SNX1: variants seen among roughly 807,000 people sequenced by gnomAD.
The protein encoded by SNX1 is sorting nexin-1.
SNX1 carries 36 observed loss-of-function variants against 71.8 expected under a neutral mutation model. The observed-to-expected ratio is 0.50, with a 90% CI of 0.38 to 0.66. The LOEUF (loss-of-function observed/expected upper bound fraction) is 0.66, where lower values mean the gene tolerates loss of function less well. SNX1 is among the 30% of genes least tolerant of loss of function. The probability of loss-of-function intolerance (pLI) is 0.00; values close to 1 mark genes in which losing one functional copy is unlikely to be tolerated. For missense variants in SNX1, 612 were observed against 646.7 expected (o/e 0.95, Z 0.58); for synonymous variants, 254 against 240.7 (o/e 1.06, Z -0.51).
rs1042357424 is a variant in SNX1 at position 64,143,035 on chromosome 15, C to T, written c.*5417C>T. On this transcript the variant is annotated 3_prime_UTR_variant, in exon 15 of 15. Transcript: ENST00000559844. Reference sequence around the variant, plus strand: ...TTTTGCCGAGCACACTCAGGGCCCACGGGAAGCCCATAGACTTCAAGGACA... The same window carrying T: ...TTTTGCCGAGCACACTCAGGGCCCATGGGAAGCCCATAGACTTCAAGGACA... The T allele has an allele frequency of 4.7e-5, 9 of 192,534 alleles. No homozygotes were observed. The highest frequency in any genetic ancestry group is 4.6e-4 in the East Asian group (3 of 6,582). The allele number at this position is 192,534 out of a possible 1,614,324, so 11.9% of individuals were successfully genotyped here.
intron 2 of SNX1, among the ~76,000 whole-genome samples, chr15:64,113,364 T>C (rs2081096859): frequency 6.6e-6 from 1 of 152,158 alleles, no homozygotes; most frequent in Admixed American, 6.5e-5. Flanking sequence ...TGGAAATGGT[T>C]GGAGACATTT....
chr15:64,110,322 AG>A (rs1409677464), intron 1 of SNX1, among the ~76,000 whole-genome samples: 6 of 152,308 alleles, frequency 3.9e-5, no homozygotes, highest in African/African-American at 1.2e-4. Context: ...AGGATATCTG[AG>A]AGCAGTTTTC....
chr15:64,102,425 A>G (rs574640445), intron 1 of SNX1, among the ~76,000 whole-genome samples: 1 of 152,336 alleles, frequency 6.6e-6, no homozygotes, highest in African/African-American at 2.4e-5. Flanking sequence ...CTTTTGGAAC[A>G]TACGATAAAT....
chr15:64,118,750 TC>T, intron 3 of SNX1, 37 bp from the exon 4 acceptor site: 1 of 1,512,574 alleles, frequency 6.6e-7, no homozygotes, highest in South Asian at 1.1e-5. Context: ...GCTTTTTTTT[TC>T]ATATCAACTC....
intron 1 of SNX1, among the ~76,000 whole-genome samples, chr15:64,104,663 T>A (rs2081000496): frequency 6.6e-6 from 1 of 151,572 alleles, no homozygotes; most frequent in Admixed American, 6.6e-5. Flanking sequence ...GGCAGGTAGA[T>A]CACCTGAGGT....
At chr15:64,130,351 A>G in intron 10 of SNX1, 30 bp downstream of exon 10, 4 of 1,566,004 alleles carry the variant, frequency 2.6e-6, no homozygotes, top group Non-Finnish European at 3.5e-6. Flanking sequence ...ACTTGGAGCT[A>G]GGGGAAATTG....
intron 1 of SNX1, among the ~76,000 whole-genome samples, chr15:64,103,173 A>G (rs2080982601): frequency 6.6e-6 from 1 of 152,204 alleles, no homozygotes. Context: ...CATGCAGAAG[A>G]AATATATATG....
chr15:64,135,388 C>G (rs72755098), intron 12 of SNX1, among the ~76,000 whole-genome samples: 81,132 of 149,520 alleles, frequency 0.54, 26,822 homozygotes, highest in East Asian at 0.81. Flanking sequence ...GCGTGAGCCA[C>G]CGCGCCCGGC....
At chr15:64,119,754 A>AC (rs1491138534) in intron 4 of SNX1, among the ~76,000 whole-genome samples, 21 of 151,340 alleles carry the variant, frequency 1.4e-4, no homozygotes, top group African/African-American at 3.2e-4. Flanking sequence ...ACACACACAC[A>AC]AAAAACATTA....
rs780446322 is a variant in SNX1 at position 64,138,325 on chromosome 15, C to CTT, written c.*722_*723dup. ...AAGGAGGCAGAGACTTTCTCTCTCT[C>CTT]TTTTTTTTTTTTTTTTGGTGTCCCT... On this transcript the variant is annotated 3_prime_UTR_variant, in exon 15 of 15. Coordinates refer to ENST00000559844, the MANE Select transcript of SNX1 (RefSeq NM_003099.5). The CTT allele has an allele frequency of 0.018, 9,770 of 548,362 alleles. 4 individuals are homozygous for CTT. The highest frequency in any genetic ancestry group is 0.025 in the East Asian group (711 of 28,218). The allele number at this position is 548,362 out of a possible 1,614,324, so 34.0% of individuals were successfully genotyped here. A position where few individuals can be genotyped will look rare whatever the true frequency, so the allele number is the denominator to read the frequency against.
Position 64,095,984 on chromosome 15 carries a change from T to C in SNX1, c.-30T>C, listed in dbSNP as rs1204552542. ...CGGCGCTATCTCTCGATAAAGTTGTTGTTGCGGCTTCCGCCGCGGGTGGAA... is the reference window on the plus strand; with the variant it reads ...CGGCGCTATCTCTCGATAAAGTTGTCGTTGCGGCTTCCGCCGCGGGTGGAA... On this transcript the variant is annotated 5_prime_UTR_variant, in exon 1 of 15. Transcript: ENST00000559844. The C allele has an allele frequency of 1.3e-6, 2 of 1,589,294 alleles. No individual in the cohort carries two copies. Among genetic ancestry groups the C allele is most frequent in the East Asian group, 4.5e-5 (2 of 44,076 alleles).
In SNX1 at chr15:64,140,868, A is replaced by T. The variant is rs2081405262; in HGVS notation, c.*3250A>T. On this transcript the variant is annotated 3_prime_UTR_variant, in exon 15 of 15. Transcript: ENST00000559844. ...CCAAAGTGCTGGGATTACAGGTGTG[A>T]GCCACCATACCCAGCCAGAGAATGT... The T allele has an allele frequency of 6.6e-6, 1 of 152,212 alleles. No homozygotes were observed. The highest frequency in any genetic ancestry group is 2.4e-5 in the African/African-American group (1 of 41,438). 9.4% of individuals were successfully genotyped at this position (152,212 alleles called of 1,614,324 possible).
intron 14 of SNX1, 75 bp from the exon 15 acceptor site, chr15:64,137,493 C>T (rs1253991246): frequency 1.6e-5 from 25 of 1,570,142 alleles, no homozygotes; most frequent in Non-Finnish European, 2.2e-5. Flanking sequence ...GGGTACTGTG[C>T]TTGATTCCTC....
Position 64,137,066 on chromosome 15 carries a change from A to G in SNX1, c.1518+134A>G, listed in dbSNP as rs114219023. On this transcript the variant is annotated intron_variant, in intron 14 of 14. Coordinates refer to ENST00000559844, the MANE Select transcript of SNX1 (RefSeq NM_003099.5). ...GCCCTCCTATAGTCCATCATTGAAA[A>G]TAGGTCCTGCTGCTCTGACATGGAG... 1.5e-3 allele frequency: 1,000 copies of G among 656,970 alleles called. 6 individuals are homozygous for G. In the African/African-American group the frequency reaches 0.016, roughly 11 times the overall value. 40.7% of individuals were successfully genotyped at this position (656,970 alleles called of 1,614,324 possible). A position where few individuals can be genotyped will look rare whatever the true frequency, so the allele number is the denominator to read the frequency against.
In SNX1 at chr15:64,134,473, C is replaced by T; in HGVS notation, c.1222-191C>T. The T allele has an allele frequency of 1.6e-6, 1 of 617,630 alleles. No individual in the cohort carries two copies. The highest frequency in any genetic ancestry group is 2.8e-6 in the Non-Finnish European group (1 of 360,930). 38.3% of individuals were successfully genotyped at this position (617,630 alleles called of 1,614,324 possible). On this transcript the variant is annotated intron_variant, in intron 11 of 14. Coordinates refer to ENST00000559844, the MANE Select transcript of SNX1 (RefSeq NM_003099.5). This position sits in a 1 kb window ranked among gnomAD's most constrained non-coding sequence, Gnocchi z 4.1. Reference sequence around the variant, plus strand: ...CAGCATGGCACTGGCCTTCTGGAAGCTTGGAGAGGAGTCTTACCCAAGCTT... The same window carrying T: ...CAGCATGGCACTGGCCTTCTGGAAGTTTGGAGAGGAGTCTTACCCAAGCTT...
intron 1 of SNX1, among the ~76,000 whole-genome samples, chr15:64,100,987 A>G (rs2080955784): frequency 6.6e-6 from 1 of 152,054 alleles, no homozygotes; most frequent in Non-Finnish European, 1.5e-5. Flanking sequence ...TTTTGTAGAG[A>G]TGGGGGTCTC....
At chr15:64,124,472 A>G (rs1057476128) in intron 5 of SNX1, among the ~76,000 whole-genome samples, 1 of 146,626 alleles carries the variant, frequency 6.8e-6, no homozygotes, top group African/African-American at 2.6e-5. Flanking sequence ...GCGCCACTGC[A>G]CTCCAGCCTG....
At chr15:64,136,761 T>G in intron 13 of SNX1, 100 bp from the exon 14 acceptor site, 1 of 849,472 alleles carries the variant, frequency 1.2e-6, no homozygotes, top group South Asian at 1.6e-5. Flanking sequence ...CTGCCTCTAC[T>G]TTCTGAGACT....
chr15:64,137,843 C>T lies in SNX1; in HGVS notation c.*225C>T. ...TAGTTTCCTGCTTTAAGCAAAAGAC[C>T]TACAATAGGTGGTGGAATTATGGGA... On this transcript the variant is annotated 3_prime_UTR_variant, in exon 15 of 15. Coordinates refer to ENST00000559844, the MANE Select transcript of SNX1 (RefSeq NM_003099.5). The T allele has an allele frequency of 1.4e-6, 2 of 1,411,862 alleles. No homozygotes were observed. Among genetic ancestry groups the T allele is most frequent in the South Asian group, 1.7e-5 (1 of 59,546 alleles). The allele number at this position is 1,411,862 out of a possible 1,614,324, so 87.5% of individuals were successfully genotyped here.
Sources: gnomAD v4.1 joint callset for allele counts (sites outside exome capture counted in the v4.1 genomes callset) on GRCh38, gnomAD v4.1.1 for gene constraint, Gnocchi (gnomAD v3.1) non-coding constraint, MANE v1.5 for transcripts, NCBI Gene and HGNC (gene_info 2026-07-23, HGNC 2026-07-21) for gene names.